PCDHAC2: variants seen among roughly 807,000 people sequenced by gnomAD.
The protein encoded by PCDHAC2 is protocadherin alpha-C2.
In PCDHAC2, 24 loss-of-function variants were observed where a neutral mutation model predicts 63.3. The ratio of observed to expected loss-of-function variants is 0.38; its 90% CI spans 0.27 to 0.53. The LOEUF (loss-of-function observed/expected upper bound fraction) is 0.53, where lower values mean the gene tolerates loss of function less well. Ranked by LOEUF, PCDHAC2 falls within the 20% of genes least tolerant of loss-of-function variation. The pLI is 0.81. For missense variants in PCDHAC2, 1,181 were observed against 1,275.2 expected (o/e 0.93, Z 1.12); for synonymous variants, 569 against 529.4 (o/e 1.07, Z -1.03).
At chr5:140,992,430 C>T (rs1356224402) in intron 3 of PCDHAC2, among the ~76,000 whole-genome samples, 1 of 152,042 alleles carries the variant, frequency 6.6e-6, no homozygotes, top group Non-Finnish European at 1.5e-5. Flanking sequence ...GAATATTGTT[C>T]CAAGAGTTGG....
Position 141,010,405 on chromosome 5 carries a change from C to G in PCDHAC2, c.*468C>G. On this transcript the variant is annotated 3_prime_UTR_variant, in exon 4 of 4. Transcript: ENST00000289269. ...ATTGGCTGAGACGAGCCAGCTTAGA[C>G]TAATTGGTACAAGGAAGGCAAGAAA... 1 of 1,260,098 alleles carries G rather than the reference C, an allele frequency of 7.9e-7. No homozygotes were observed. Among genetic ancestry groups the G allele is most frequent in the South Asian group, 1.6e-5 (1 of 64,208 alleles). 78.1% of individuals were successfully genotyped at this position (1,260,098 alleles called of 1,614,324 possible). A position where few individuals can be genotyped will look rare whatever the true frequency, so the allele number is the denominator to read the frequency against.
intron 3 of PCDHAC2, among the ~76,000 whole-genome samples, chr5:140,990,910 A>G (rs1460988111): frequency 1.3e-5 from 2 of 152,198 alleles, no homozygotes; most frequent in African/African-American, 2.4e-5. Context: ...GTCAAGTTTT[A>G]TAAGTCTTTA....
intron 3 of PCDHAC2, among the ~76,000 whole-genome samples, chr5:140,990,850 T>C (rs528860965): frequency 3.3e-5 from 5 of 152,312 alleles, no homozygotes; most frequent in African/African-American, 1.2e-4. Context: ...AATAGAGCCC[T>C]GAGGACATTG....
At chr5:141,007,688 C>A (rs1554261446) in intron 3 of PCDHAC2, among the ~76,000 whole-genome samples, 1 of 152,170 alleles carries the variant, frequency 6.6e-6, no homozygotes, top group Admixed American at 6.5e-5. Flanking sequence ...ATCCTACTTC[C>A]ACCTCCCTCC....
chr5:140,978,842 T>A, intron 1 of PCDHAC2, 107 bp from the exon 2 acceptor site: 1 of 1,564,670 alleles, frequency 6.4e-7, no homozygotes, highest in East Asian at 2.3e-5. Flanking sequence ...TTCAATACTT[T>A]TTTAGATGCC....
chr5:140,998,195 A>C (rs1409926168), intron 3 of PCDHAC2, among the ~76,000 whole-genome samples: 6 of 152,164 alleles, frequency 3.9e-5, no homozygotes, highest in African/African-American at 1.2e-4. Flanking sequence ...ACAAGTATTA[A>C]CTCCTTTAAT....
In PCDHAC2 at chr5:141,010,555, C is replaced by CTG; in HGVS notation, c.*618_*619insTG. 2 of 321,156 alleles carry CTG rather than the reference C, an allele frequency of 6.2e-6. No homozygotes were observed. The highest frequency in any genetic ancestry group is 1.1e-4 in the South Asian group (2 of 18,704). 19.9% of individuals were successfully genotyped at this position (321,156 alleles called of 1,614,324 possible). On this transcript the variant is annotated 3_prime_UTR_variant, in exon 4 of 4. Coordinates refer to ENST00000289269, the MANE Select transcript of PCDHAC2 (RefSeq NM_018899.6). ...ACCCTCTAGGAGACAAAACTACCCCCACTGACAAGGCTTTAGGAGACCCTA... is the reference window on the plus strand; with the variant it reads ...ACCCTCTAGGAGACAAAACTACCCCCTGACTGACAAGGCTTTAGGAGACCCTA...
intron 3 of PCDHAC2, among the ~76,000 whole-genome samples, chr5:141,000,385 C>A (rs868983393): frequency 3.1e-5 from 2 of 64,984 alleles, no homozygotes; most frequent in South Asian, 5.2e-4. Flanking sequence ...CTCTCTCTCT[C>A]TCTCTCTCTC....
rs2096126313 is a variant in PCDHAC2 at position 140,967,310 on chromosome 5, G to A, written c.544G>A (p.Val182Ile). 1 of 1,611,338 alleles carries A rather than the reference G, an allele frequency of 6.2e-7. No individual in the cohort carries two copies. Among genetic ancestry groups the A allele is most frequent in the East Asian group, 2.2e-5 (1 of 44,752 alleles). Reference sequence around the variant, plus strand: ...GGACCCCGACGTGGGCGCCAACTCAGTACAGACCTACGAGCTCAGCCCCAG... The same window carrying A: ...GGACCCCGACGTGGGCGCCAACTCAATACAGACCTACGAGCTCAGCCCCAG... Reference protein sequence around the residue: ...AQDPDVGANSVQTYELSPSEH... With the variant: ...AQDPDVGANSIQTYELSPSEH... The change falls in exon 1 of 4, where the codon GTA becomes ATA. Residue 182 changes from valine (V) to isoleucine (I), a missense_variant. Val to Ile is a conservative substitution (Grantham distance 29). Coordinates refer to ENST00000289269, the MANE Select transcript of PCDHAC2 (RefSeq NM_018899.6).
intron 3 of PCDHAC2, among the ~76,000 whole-genome samples, chr5:140,993,224 G>A (rs547665525): frequency 6.6e-6 from 1 of 152,210 alleles, no homozygotes; most frequent in East Asian, 1.9e-4. Context: ...TTTTTGGTAT[G>A]TTCTCTCTGA....
At chr5:140,978,672 G>C (rs2096816199) in intron 1 of PCDHAC2, among the ~76,000 whole-genome samples, 1 of 152,256 alleles carries the variant, frequency 6.6e-6, no homozygotes, top group African/African-American at 2.4e-5. Context: ...TAAGAACACA[G>C]ACATGTATTG....
Position 140,967,060 on chromosome 5 carries a change from G to A in PCDHAC2, c.294G>A (p.Ala98=). Residue 98 remains alanine (A), a synonymous_variant, in exon 1 of 4, where the codon GCG becomes GCA. Coordinates refer to ENST00000289269, the MANE Select transcript of PCDHAC2 (RefSeq NM_018899.6). ...RYLELDLTSG[A]LFVNERIDRE... ...TGGAGCTGGACCTGACGAGTGGAGC[G>A]CTCTTCGTCAACGAGCGCATTGATC... 6.2e-7 allele frequency: 1 copy of A among 1,612,802 alleles called. No individual in the cohort carries two copies. Among genetic ancestry groups the A allele is most frequent in the Non-Finnish European group, 8.5e-7 (1 of 1,179,672 alleles).
chr5:140,977,864 GGTAAGTATAAT>G (rs1175044090), intron 1 of PCDHAC2, among the ~76,000 whole-genome samples: 1 of 152,140 alleles, frequency 6.6e-6, no homozygotes, highest in Non-Finnish European at 1.5e-5. Context: ...TACCAAATAT[GGTAAGTATAAT>G]GTAGAGGAAA....
At chr5:141,005,192 TTTCA>T (rs1554259924) in intron 3 of PCDHAC2, among the ~76,000 whole-genome samples, 1 of 152,220 alleles carries the variant, frequency 6.6e-6, no homozygotes, top group African/African-American at 2.4e-5. Context: ...ACATCAGTCC[TTTCA>T]TTCATTCATC....
chr5:141,009,233 T>C (rs2098403082), intron 3 of PCDHAC2, among the ~76,000 whole-genome samples: 1 of 152,184 alleles, frequency 6.6e-6, no homozygotes, highest in Non-Finnish European at 1.5e-5. Context: ...GGTGGGAGGA[T>C]CTCTTGAGCT....
intron 1 of PCDHAC2, among the ~76,000 whole-genome samples, chr5:140,977,853 C>T (rs2096777992): frequency 6.6e-6 from 1 of 152,212 alleles, no homozygotes; most frequent in Admixed American, 6.5e-5. Context: ...GGCTTTGTTT[C>T]TACCAAATAT....
chr5:140,971,843 G>T (rs1250084892), intron 1 of PCDHAC2, among the ~76,000 whole-genome samples: 2 of 151,906 alleles, frequency 1.3e-5, no homozygotes, highest in Non-Finnish European at 2.9e-5. Flanking sequence ...TGCAAGTCAT[G>T]CGTTAAATAT....
chr5:140,993,939 T>C (rs1449633283), intron 3 of PCDHAC2, among the ~76,000 whole-genome samples: 5 of 152,198 alleles, frequency 3.3e-5, no homozygotes, highest in Non-Finnish European at 7.3e-5. Context: ...ATATCCCCAT[T>C]GTTAAGTGAT....
intron 3 of PCDHAC2, among the ~76,000 whole-genome samples, chr5:141,006,247 T>C (rs1554260651): frequency 2.0e-5 from 3 of 152,126 alleles, no homozygotes; most frequent in Non-Finnish European, 2.9e-5. Context: ...AGTCTTGCTC[T>C]GTTGCCCAGG....
Sources: gnomAD v4.1 joint callset for allele counts (sites outside exome capture counted in the v4.1 genomes callset) on GRCh38, gnomAD v4.1.1 for gene constraint, MANE v1.5 for transcripts, NCBI Gene and HGNC (gene_info 2026-07-23, HGNC 2026-07-21) for gene names.